UGT3A2: variants seen among roughly 807,000 people sequenced by gnomAD.
The protein encoded by UGT3A2 is UDP glycosyltransferase family 3 member A2, also known as UDP-glycosyltransferase 3A2.
UGT3A2 carries 32 observed loss-of-function variants against 39.8 expected under a neutral mutation model. The ratio of observed to expected loss-of-function variants is 0.80; its 90% CI spans 0.61 to 1.08. The LOEUF is 1.08. Ranked by LOEUF, UGT3A2 falls within the 50% of genes least tolerant of loss-of-function variation. The pLI, the probability that UGT3A2 is intolerant of heterozygous loss-of-function variation, is 0.00. For missense variants in UGT3A2, 611 were observed against 637.1 expected (o/e 0.96, Z 0.44); for synonymous variants, 241 against 230.7 (o/e 1.04, Z -0.40).
At chr5:36,063,497 T>A (rs1194267386) in intron 2 of UGT3A2, among the ~76,000 whole-genome samples, 1 of 152,194 alleles carries the variant, frequency 6.6e-6, no homozygotes, top group African/African-American at 2.4e-5. Context: ...GACTCCTAAC[T>A]TAGCTGCATA....
In UGT3A2 at chr5:36,048,269, A is replaced by G. The variant is rs78387290; in HGVS notation, c.843+620T>C. On this transcript the variant is annotated intron_variant, in intron 4 of 6. Transcript: ENST00000282507. The stretch of plus-strand genomic sequence containing the variant: ...GCTCTCCTCCTTTTGAAAAATTTCT[A>G]TAGCAGAGGTTCTGAGTTGTGAAAT... 4.9e-4 allele frequency among the ~76,000 whole-genome samples: 75 copies of G among 152,350 alleles called. No homozygotes were observed. The East Asian group carries it at 0.014, about 29-fold the overall frequency.
intron 2 of UGT3A2, among the ~76,000 whole-genome samples, chr5:36,057,535 CTCTT>C (rs1742552451): frequency 7.0e-6 from 1 of 141,870 alleles, no homozygotes; most frequent in Non-Finnish European, 1.6e-5. Context: ...CTCTCTCTCT[CTCTT>C]TTTTTTTTTT....
chr5:36,036,636 T>G (rs1321187137), intron 6 of UGT3A2, among the ~76,000 whole-genome samples: 2 of 152,198 alleles, frequency 1.3e-5, no homozygotes, highest in Admixed American at 6.5e-5. Flanking sequence ...CAAACACATT[T>G]TTCAGAAAAT....
intron 6 of UGT3A2, among the ~76,000 whole-genome samples, chr5:36,036,968 A>G (rs1473121200): frequency 1.3e-5 from 2 of 152,192 alleles, no homozygotes; most frequent in Non-Finnish European, 2.9e-5. Context: ...TGCTTCACTT[A>G]ACTAAAATTC....
intron 2 of UGT3A2, among the ~76,000 whole-genome samples, chr5:36,058,526 C>T (rs1223879392): frequency 6.6e-6 from 1 of 152,114 alleles, no homozygotes; most frequent in East Asian, 1.9e-4. Context: ...ATGCTGAAGG[C>T]AGTCACGCCC....
At chr5:36,066,254 C>CT (rs1742874549) in intron 1 of UGT3A2, among the ~76,000 whole-genome samples, 1 of 152,146 alleles carries the variant, frequency 6.6e-6, no homozygotes, top group Non-Finnish European at 1.5e-5. Context: ...CTCAGGAGGG[C>CT]CTTTCCCTGG....
chr5:36,043,925 A>G (rs1223418115), intron 4 of UGT3A2, among the ~76,000 whole-genome samples: 2 of 152,128 alleles, frequency 1.3e-5, no homozygotes, highest in African/African-American at 4.8e-5. Context: ...TTTACCAAAC[A>G]TTTAAAGAAC....
Position 36,039,666 on chromosome 5 carries a change from C to CA in UGT3A2, c.885dup (p.Val296CysfsTer61), listed in dbSNP as rs1168726952. ...ACCATGGAGCCCAAGGTCACAAGGACAAAACCAGAGTCCCCAAACTTGGCA... is the reference window on the plus strand; with the variant it reads ...ACCATGGAGCCCAAGGTCACAAGGACAAAAACCAGAGTCCCCAAACTTGGCA... On this transcript the variant is annotated frameshift_variant, in exon 5 of 7. Coordinates refer to ENST00000282507, the MANE Select transcript of UGT3A2 (RefSeq NM_174914.4). LOFTEE classifies it high-confidence loss of function. 4 of 1,614,022 alleles carry CA rather than the reference C, an allele frequency of 2.5e-6. No homozygotes were observed. The African/African-American group carries it at 5.3e-5, about 22-fold the overall frequency.
At chr5:36,052,507 C>A (rs945194998) in intron 2 of UGT3A2, among the ~76,000 whole-genome samples, 2 of 152,140 alleles carry the variant, frequency 1.3e-5, no homozygotes, top group African/African-American at 4.8e-5. Context: ...AATGTCAAGC[C>A]CCATTTCCCC....
In UGT3A2 at chr5:36,037,930, T is replaced by A; in HGVS notation, c.1162A>T (p.Ile388Phe). ...TCAGGCTGGTCTCCAAAGAGAGGGATCCCCACCATGGGCACACCATGCTGG... is the reference window on the plus strand; with the variant it reads ...TCAGGCTGGTCTCCAAAGAGAGGGAACCCCACCATGGGCACACCATGCTGG... ...AIQHGVPMVG[I>F]PLFGDQPENM... Residue 388 changes from isoleucine to phenylalanine, a missense_variant, in exon 6 of 7, where the codon ATC (isoleucine) becomes TTC (phenylalanine). Coordinates refer to ENST00000282507, the MANE Select transcript of UGT3A2 (RefSeq NM_174914.4). 1 of 1,614,124 alleles carries A rather than the reference T, an allele frequency of 6.2e-7. No homozygotes were observed. Among genetic ancestry groups the A allele is most frequent in the Admixed American group, 1.7e-5 (1 of 60,010 alleles).
At chr5:36,066,070 A>G (rs1336124241) in intron 1 of UGT3A2, among the ~76,000 whole-genome samples, 1 of 152,212 alleles carries the variant, frequency 6.6e-6, no homozygotes, top group African/African-American at 2.4e-5. Flanking sequence ...TCAGCGGCAC[A>G]GGTAAAAGGA....
chr5:36,053,817 T>G (rs77442929), intron 2 of UGT3A2, among the ~76,000 whole-genome samples: 47 of 152,312 alleles, frequency 3.1e-4, no homozygotes, highest in Admixed American at 1.8e-3. Flanking sequence ...TTTTCCAGCT[T>G]CTCAAGGCTA....
chr5:36,037,635 A>G (rs1580994433), intron 6 of UGT3A2, among the ~76,000 whole-genome samples, 162 bp downstream of exon 6: 1 of 152,328 alleles, frequency 6.6e-6, no homozygotes, highest in East Asian at 1.9e-4. Flanking sequence ...CAGAGGACAC[A>G]GGTCAGCTGT....
At position 36,049,019 on chromosome 5, in the gene UGT3A2, G is replaced by C; in HGVS notation, c.713C>G (p.Ser238Cys). Reference protein sequence around the residue: ...HFTEGSRPVLSHLLLKAELWF... With the variant: ...HFTEGSRPVLCHLLLKAELWF... ...CAACTCTGCTTTCAGTAGAAGATGA[G>C]ACAAAACTGGCCTAGAGCCTTCTGT... Residue 238 changes from serine (S) to cysteine (C), a missense_variant, in exon 4 of 7, where the codon TCT (serine) becomes TGT (cysteine). Ser to Cys is a moderately radical substitution (Grantham distance 112). Coordinates refer to ENST00000282507, the MANE Select transcript of UGT3A2 (RefSeq NM_174914.4). 4 of 1,614,214 alleles carry C rather than the reference G, an allele frequency of 2.5e-6. No homozygotes were observed. Among genetic ancestry groups the C allele is most frequent in the Non-Finnish European group, 3.4e-6 (4 of 1,180,042 alleles).
chr5:36,037,978 G>T lies in UGT3A2; in HGVS notation c.1114C>A (p.Gln372Lys), dbSNP rs898735840. ...TGGATGGCCTCCATTATGCTATTCTGCCCGCCGTGGGTGACAAACAGACGG... is the reference window on the plus strand; with the variant it reads ...TGGATGGCCTCCATTATGCTATTCTTCCCGCCGTGGGTGACAAACAGACGG... ...SIRLFVTHGGQNSIMEAIQHG... is the reference protein window; with the variant it reads ...SIRLFVTHGGKNSIMEAIQHG... Residue 372 changes from glutamine to lysine, a missense_variant, in exon 6 of 7, where the codon CAG becomes AAG. By Grantham distance (53) the Gln-to-Lys change is moderately conservative. Transcript: ENST00000282507. 2 of 1,611,768 alleles carry T rather than the reference G, an allele frequency of 1.2e-6. No homozygotes were observed. The highest frequency in any genetic ancestry group is 2.7e-5 in the African/African-American group (2 of 74,812).
chr5:36,038,105 G>A (rs968639083), intron 5 of UGT3A2, 89 bp from the exon 6 acceptor site: 1 of 1,328,772 alleles, frequency 7.5e-7, no homozygotes, highest in Non-Finnish European at 1.0e-6. Context: ...AAGTGCCAAG[G>A]GGATCTAGTG....
intron 2 of UGT3A2, among the ~76,000 whole-genome samples, chr5:36,055,021 T>G (rs1473981921): frequency 6.6e-6 from 1 of 151,874 alleles, no homozygotes; most frequent in Admixed American, 6.5e-5. Flanking sequence ...GGTATAAAAT[T>G]CTTGGGTACC....
intron 2 of UGT3A2, among the ~76,000 whole-genome samples, chr5:36,054,629 A>G (rs908859558): frequency 6.6e-5 from 10 of 152,130 alleles, no homozygotes; most frequent in Admixed American, 1.3e-4. Context: ...CCCAAAACCA[A>G]TAGTGGGACA....
chr5:36,048,870 A>G lies in UGT3A2; in HGVS notation c.843+19T>C. The G allele has an allele frequency of 6.2e-7, 1 of 1,607,846 alleles. No homozygotes were observed. The highest frequency in any genetic ancestry group is 1.7e-4 in the Middle Eastern group (1 of 6,030). ...GGCCTCTGCGTGAATCCCAAACTGA[A>G]TGCTGAGGGTTCACTTACTTGTGGT... On this transcript the variant is annotated intron_variant, in intron 4 of 6. Transcript: ENST00000282507.
Sources: allele counts gnomAD v4.1 joint callset (sites outside exome capture counted in the v4.1 genomes callset), GRCh38; gene constraint gnomAD v4.1.1; transcripts MANE v1.5; gene names NCBI Gene and HGNC (gene_info 2026-07-23, HGNC 2026-07-21).